Variants in PIBF1 observed in about 807,000 individuals in gnomAD.
PIBF1 encodes the protein progesterone-induced-blocking factor 1.
Under a neutral mutation model 112.5 loss-of-function variants are expected in PIBF1, and 90 were observed. The observed-to-expected ratio is 0.80, with a 90% CI of 0.67 to 0.95. PIBF1 has a LOEUF of 0.95. Ranked by LOEUF, PIBF1 falls within the 40% of genes least tolerant of loss-of-function variation. PIBF1 has a pLI of 0.00. For synonymous variants in PIBF1, 301 were observed against 288.6 expected (o/e 1.04, Z -0.44); for missense variants, 915 against 852.3 (o/e 1.07, Z -0.92).
At chr13:72,858,023 T>TTGCTTTTTG (rs71099760) in intron 10 of PIBF1, among the ~76,000 whole-genome samples, 30,656 of 140,978 alleles carry the variant, frequency 0.22, 3,755 homozygotes, top group African/African-American at 0.35. Flanking sequence ...CAAATGTACA[T>TTGCTTTTTG]TGTGTGTGTG....
At chr13:72,995,356 C>T (rs1042601497) in intron 16 of PIBF1, among the ~76,000 whole-genome samples, 8 of 151,710 alleles carry the variant, frequency 5.3e-5, no homozygotes, top group Non-Finnish European at 7.4e-5. Flanking sequence ...CATGATCCCA[C>T]GCCTATCTCC....
At chr13:72,836,067 C>G (rs988341919) in intron 9 of PIBF1, 3 of 446,590 alleles carry the variant, frequency 6.7e-6, no homozygotes, top group Non-Finnish European at 1.3e-5. Context: ...CCACTACACT[C>G]CAGCCTTGGC....
In PIBF1 at chr13:72,978,797, G is replaced by A. The variant is rs570401947; in HGVS notation, c.2049+5122G>A. ...ATATAAACCTAAATAATTAGATATT[G>A]AAAAGAGGTAAAAGGAAAAGATAAA... On this transcript the variant is annotated intron_variant, in intron 16 of 17. Transcript: ENST00000326291. Among the ~76,000 whole-genome samples the A allele has an allele frequency of 1.1e-4, 17 of 152,266 alleles. No individual in the cohort carries two copies. In the East Asian group the frequency reaches 3.3e-3, roughly 29 times the overall value.
At chr13:72,927,976 T>TACATATATATATATACAC (rs1566458060) in intron 13 of PIBF1, among the ~76,000 whole-genome samples, 6 of 81,122 alleles carry the variant, frequency 7.4e-5, no homozygotes, top group African/African-American at 2.4e-4. Context: ...TATATATATA[T>TACATATATATATATACAC]ACATATATAT....
intron 16 of PIBF1, 24 bp from the exon 17 acceptor site, chr13:72,998,794 ACTTT>A (rs766928309): frequency 3.2e-6 from 5 of 1,555,408 alleles, no homozygotes; most frequent in Admixed American, 3.6e-5. Flanking sequence ...CACTCTTGCT[ACTTT>A]CTTCTGTTTT....
chr13:73,012,584 C>A (rs375437770), intron 17 of PIBF1, among the ~76,000 whole-genome samples: 8 of 141,398 alleles, frequency 5.7e-5, no homozygotes, highest in Admixed American at 2.1e-4. Flanking sequence ...CCAAAAAAAA[C>A]AAAAAAAAAC....
At chr13:72,999,076 A>T (rs1421187224) in intron 17 of PIBF1, 81 bp downstream of exon 17, 2 of 873,246 alleles carry the variant, frequency 2.3e-6, no homozygotes, top group African/African-American at 3.4e-5. Flanking sequence ...TTCCTTTTAC[A>T]TTTATGAAAT....
intron 6 of PIBF1, among the ~76,000 whole-genome samples, chr13:72,824,793 T>C (rs1192548595): frequency 6.6e-6 from 1 of 152,202 alleles, no homozygotes; most frequent in African/African-American, 2.4e-5. Flanking sequence ...CTCTGGCAGA[T>C]GCTACCTTAA....
chr13:72,869,360 G>A (rs1436834560), intron 10 of PIBF1, among the ~76,000 whole-genome samples: 2 of 150,382 alleles, frequency 1.3e-5, no homozygotes, highest in Non-Finnish European at 2.9e-5. Flanking sequence ...GTAAACTATT[G>A]CAAGGACAAA....
chr13:73,007,477 G>A (rs1440641355), intron 17 of PIBF1, among the ~76,000 whole-genome samples: 1 of 152,028 alleles, frequency 6.6e-6, no homozygotes, highest in Non-Finnish European at 1.5e-5. Flanking sequence ...CCAAGAGCCA[G>A]CAAACTCTAT....
chr13:72,826,971 TGTAAAATTTACATGTCTC>T, intron 6 of PIBF1, 21 bp from the exon 7 acceptor site: 1 of 1,230,710 alleles, frequency 8.1e-7, no homozygotes, highest in South Asian at 1.3e-5. Context: ...TACAAGGGGA[TGTAAAATTTACATGTCTC>T]TTTGAATTTT....
At chr13:72,838,978 GA>G (rs2037484495) in intron 9 of PIBF1, among the ~76,000 whole-genome samples, 1 of 152,196 alleles carries the variant, frequency 6.6e-6, no homozygotes, top group South Asian at 2.1e-4. Flanking sequence ...TAAAAGAGAT[GA>G]AACAGAAGCA....
intron 15 of PIBF1, among the ~76,000 whole-genome samples, chr13:72,971,200 GTGTGTA>G (rs766051362): frequency 0.048 from 3,752 of 78,490 alleles, 65 homozygotes; most frequent in African/African-American, 0.063. Context: ...GTGTGTGTGT[GTGTGTA>G]TGTGTGTGTG....
intron 11 of PIBF1, among the ~76,000 whole-genome samples, chr13:72,899,828 G>A (rs946323005): frequency 6.6e-6 from 1 of 152,132 alleles, no homozygotes; most frequent in African/African-American, 2.4e-5. Context: ...CCTGTTTGCT[G>A]ACCATATGAT....
chr13:73,012,855 A>G (rs967560765), intron 17 of PIBF1, among the ~76,000 whole-genome samples: 9 of 152,066 alleles, frequency 5.9e-5, no homozygotes, highest in African/African-American at 1.9e-4. Flanking sequence ...AAGCTATAGC[A>G]TATATTTAAT....
At chr13:73,014,792 C>T (rs1260313813) in intron 17 of PIBF1, among the ~76,000 whole-genome samples, 1 of 151,730 alleles carries the variant, frequency 6.6e-6, no homozygotes, top group Non-Finnish European at 1.5e-5. Context: ...CTCCTGGGCC[C>T]AAGTGATTTT....
At position 73,016,085 on chromosome 13, in the gene PIBF1, A is replaced by G. The variant is rs1022388543; in HGVS notation, c.*166A>G. Reference sequence around the variant, plus strand: ...TCAGTGTAATCAAAATGTGTAAAGAACAATCAATATACTTTATTTTTTTTT... The same window carrying G: ...TCAGTGTAATCAAAATGTGTAAAGAGCAATCAATATACTTTATTTTTTTTT... On this transcript the variant is annotated 3_prime_UTR_variant, in exon 18 of 18. Transcript: ENST00000326291. The G allele has an allele frequency of 3.5e-5, 11 of 314,000 alleles. No individual in the cohort carries two copies. The highest frequency in any genetic ancestry group is 5.8e-5 in the Non-Finnish European group (10 of 173,802). 19.5% of individuals were successfully genotyped at this position (314,000 alleles called of 1,614,324 possible). A position where few individuals can be genotyped will look rare whatever the true frequency, so the allele number is the denominator to read the frequency against.
At chr13:72,999,584 G>A (rs1466422639) in intron 17 of PIBF1, among the ~76,000 whole-genome samples, 2 of 152,092 alleles carry the variant, frequency 1.3e-5, no homozygotes, top group African/African-American at 4.8e-5. Flanking sequence ...GATTCAGTGA[G>A]TCCCCAGAAT....
chr13:72,847,056 TA>T (rs1159009943), intron 9 of PIBF1, among the ~76,000 whole-genome samples: 2 of 152,244 alleles, frequency 1.3e-5, no homozygotes, highest in East Asian at 3.8e-4. Flanking sequence ...GTTACTCAGT[TA>T]ACCATCTACC....
Sources: allele counts gnomAD v4.1 joint callset (sites outside exome capture counted in the v4.1 genomes callset), GRCh38; gene constraint gnomAD v4.1.1; transcripts MANE v1.5; gene names NCBI Gene and HGNC (gene_info 2026-07-23, HGNC 2026-07-21).